The following GDA variants were observed in gnomAD, a reference collection of about 807,000 sequenced individuals.
GDA encodes cytoplasmic PSD-95 interactor.
Under a neutral mutation model 59.6 loss-of-function variants are expected in GDA, and 18 were observed. The ratio of observed to expected loss-of-function variants is 0.30; its 90% CI spans 0.21 to 0.45. The LOEUF is 0.45. Among genes scored for constraint, GDA ranks in the 20% least tolerant of loss-of-function variants. The probability of loss-of-function intolerance (pLI) is 1.00; values close to 1 mark genes in which losing one functional copy is unlikely to be tolerated. For synonymous variants in GDA, 201 were observed against 201.1 expected (o/e 1.00, Z 0.00); for missense variants, 427 against 552.3 (o/e 0.77, Z 2.27).
At position 72,124,821 on chromosome 9, in the gene GDA, G is replaced by C. The variant is rs189982251; in HGVS notation, c.-100+9988G>C. On this transcript the variant is annotated intron_variant, in intron 1 of 13. Coordinates refer to the GDA transcript ENST00000545168. ...GATGGGGTTTCACCATGGTGGTCAG[G>C]CTGGTCTCGAACTCCTGACCTTGTG... Among the ~76,000 whole-genome samples, 32 of 152,196 alleles carry C rather than the reference G, an allele frequency of 2.1e-4. No homozygotes were observed. In the East Asian group the frequency reaches 6.2e-3, roughly 29 times the overall value.
At position 72,202,577 on chromosome 9, in the gene GDA, C is replaced by T. The variant is rs1282491938; in HGVS notation, c.219C>T (p.Phe73=). 4.4e-6 allele frequency: 7 copies of T among 1,582,346 alleles called. No homozygotes were observed. The highest frequency in any genetic ancestry group is 1.4e-5 in the African/African-American group (1 of 73,678). The part of the protein sequence containing the change: ...CEIRELSHHE[F]FMPGLVDTHI... ...TTCTCATCTTAATTTCCAGTGAGTT[C>T]TTCATGCCTGGGCTGGTTGATACAC... Residue 73 remains phenylalanine, a synonymous_variant, in exon 3 of 14, where the codon TTC becomes TTT. Coordinates refer to ENST00000358399, the MANE Select transcript of GDA (RefSeq NM_004293.5).
chr9:72,224,488 G>A (rs955200241), intron 7 of GDA, among the ~76,000 whole-genome samples: 3 of 152,070 alleles, frequency 2.0e-5, no homozygotes, highest in Non-Finnish European at 4.4e-5. Context: ...ATTTTGTGGT[G>A]CCCTAGAGAA....
intron 1 of GDA, among the ~76,000 whole-genome samples, chr9:72,183,404 A>G (rs1305342284): frequency 1.3e-5 from 2 of 152,026 alleles, no homozygotes; most frequent in Non-Finnish European, 2.9e-5. Flanking sequence ...CTTAGCCCCA[A>G]CTACCTCTGC....
At chr9:72,211,668 A>T (rs1444296334) in intron 4 of GDA, among the ~76,000 whole-genome samples, 1 of 152,184 alleles carries the variant, frequency 6.6e-6, no homozygotes, top group African/African-American at 2.4e-5. Context: ...GGGTCCTTTA[A>T]ACTGGGCTTT....
intron 9 of GDA, chr9:72,229,052 G>C (rs1450991342): frequency 6.6e-6 from 1 of 151,776 alleles, no homozygotes; most frequent in East Asian, 1.9e-4. Context: ...AACAACTTCA[G>C]GGGTCGGGCG....
chr9:72,142,973 T>C (rs1306760067), intron 1 of GDA, among the ~76,000 whole-genome samples: 1 of 151,492 alleles, frequency 6.6e-6, no homozygotes, highest in Non-Finnish European at 1.5e-5. Context: ...TTCTCCATGT[T>C]GGTCAGGCTG....
At chr9:72,207,003 A>T (rs1013494618) in intron 3 of GDA, among the ~76,000 whole-genome samples, 8 of 151,898 alleles carry the variant, frequency 5.3e-5, no homozygotes, top group Non-Finnish European at 1.0e-4. Context: ...GAAATTATTT[A>T]TCTATCAGCA....
chr9:72,137,635 G>C (rs1826287351), intron 1 of GDA, among the ~76,000 whole-genome samples: 2 of 152,016 alleles, frequency 1.3e-5, no homozygotes, highest in Admixed American at 1.3e-4. Flanking sequence ...TCCTATAACT[G>C]AGGATCTTAC....
intron 1 of GDA, among the ~76,000 whole-genome samples, chr9:72,195,192 G>T (rs1375422989): frequency 2.6e-5 from 4 of 152,080 alleles, no homozygotes; most frequent in Non-Finnish European, 5.9e-5. Flanking sequence ...CTTCTATTCT[G>T]CCATCTTGCT....
intron 1 of GDA, among the ~76,000 whole-genome samples, chr9:72,116,516 A>G (rs1825454180): frequency 6.7e-6 from 1 of 150,352 alleles, no homozygotes; most frequent in African/African-American, 2.4e-5. Context: ...CCGAGTAGGT[A>G]GGACTACAGG....
At chr9:72,191,473 C>CTTT (rs572715868) in intron 1 of GDA, among the ~76,000 whole-genome samples, 1 of 138,072 alleles carries the variant, frequency 7.2e-6, no homozygotes, top group Non-Finnish European at 1.6e-5. Flanking sequence ...AGGGAAGGCT[C>CTTT]TTTTTTTTTT....
At chr9:72,231,646 A>T (rs529569583) in intron 10 of GDA, among the ~76,000 whole-genome samples, 1 of 152,108 alleles carries the variant, frequency 6.6e-6, no homozygotes, top group African/African-American at 2.4e-5. Flanking sequence ...CCTGTTTATT[A>T]TTCAAAGATT....
rs141665167 is a variant in GDA, at chr9:72,209,976, T to C, written c.385-711T>C. 1.2e-3 allele frequency among the ~76,000 whole-genome samples: 188 copies of C among 152,246 alleles called. 1 individual carries two copies. Among genetic ancestry groups the C allele is most frequent in the African/African-American group, 4.4e-3 (182 of 41,538 alleles). The stretch of plus-strand genomic sequence containing the variant: ...TGGAGCTTGTACCCTCTAAATACTA[T>C]CCAGGTTCTATAAAGAGTAAATCTC... On this transcript the variant is annotated intron_variant, in intron 3 of 13. Transcript: ENST00000358399.
chr9:72,154,851 G>GT (rs1827705516), intron 1 of GDA, among the ~76,000 whole-genome samples: 1 of 152,188 alleles, frequency 6.6e-6, no homozygotes. Context: ...CGGGAGCTAA[G>GT]ACTTGTAGCT....
intron 13 of GDA, 32 bp from the exon 14 acceptor site, chr9:72,248,240 T>C (rs1840353293): frequency 3.4e-6 from 5 of 1,458,294 alleles, no homozygotes; most frequent in Non-Finnish European, 4.8e-6. Context: ...CACAAAAGGA[T>C]TTTATACATG....
intron 3 of GDA, among the ~76,000 whole-genome samples, chr9:72,206,106 G>T (rs1195575876): frequency 6.6e-6 from 1 of 151,916 alleles, no homozygotes; most frequent in Non-Finnish European, 1.5e-5. Context: ...TTTTTCTTGG[G>T]GATAGCTGAG....
chr9:72,167,649 T>C (rs963414127), intron 1 of GDA, among the ~76,000 whole-genome samples: 1 of 152,190 alleles, frequency 6.6e-6, no homozygotes, highest in Non-Finnish European at 1.5e-5. Context: ...CCTCAGAATG[T>C]ACAGGTCTAA....
chr9:72,206,597 A>C (rs1018061068), intron 3 of GDA, among the ~76,000 whole-genome samples: 1 of 151,812 alleles, frequency 6.6e-6, no homozygotes, highest in African/African-American at 2.4e-5. Flanking sequence ...ACATGGTGAG[A>C]CCCCGCCTCT....
intron 1 of GDA, among the ~76,000 whole-genome samples, chr9:72,164,465 G>C (rs1410872490): frequency 6.6e-6 from 1 of 152,108 alleles, no homozygotes; most frequent in Non-Finnish European, 1.5e-5. Flanking sequence ...GTGGCAATCA[G>C]CTTGGGTTAG....
Sources: gnomAD v4.1 joint callset for allele counts (sites outside exome capture counted in the v4.1 genomes callset) on GRCh38, gnomAD v4.1.1 for gene constraint, MANE v1.5 for transcripts, NCBI Gene and HGNC (gene_info 2026-07-23, HGNC 2026-07-21) for gene names.